SLC35F3: variants seen among roughly 807,000 people sequenced by gnomAD.
SLC35F3 encodes solute carrier family 35 member F3, also known as putative thiamine transporter SLC35F3.
In SLC35F3, 25 loss-of-function variants were observed where a neutral mutation model predicts 49.9. The ratio of observed to expected loss-of-function variants is 0.50; its 90% confidence interval spans 0.37 to 0.70. The LOEUF (loss-of-function observed/expected upper bound fraction) is 0.70. SLC35F3 is among the 30% of genes least tolerant of loss of function. The pLI is 0.00. For synonymous variants in SLC35F3, 275 were observed against 265.4 expected (o/e 1.04, Z -0.35); for missense variants, 525 against 639.8 (o/e 0.82, Z 1.94).
At position 234,322,650 on chromosome 1, in the gene SLC35F3, C is replaced by CGTGTGTGTGTGTGT. The variant is rs55827503; in HGVS notation, c.1238-335_1238-322dup. On this transcript the variant is annotated intron_variant, in intron 7 of 7. Coordinates refer to ENST00000366618, the MANE Select transcript of SLC35F3 (RefSeq NM_173508.4). Reference sequence around the variant, plus strand: ...ACCCATGTTGTTCAAGGGTCAAATGCGTGTGTGTGTGTGTGTGTGTGTGTG... The same window carrying CGTGTGTGTGTGTGT: ...ACCCATGTTGTTCAAGGGTCAAATGCGTGTGTGTGTGTGTGTGTGTGTGTGTGTGTGTGTGTGTG... Among the ~76,000 whole-genome samples the CGTGTGTGTGTGTGT allele has an allele frequency of 2.0e-3, 290 of 144,964 alleles. 3 individuals are homozygous for CGTGTGTGTGTGTGT. Among genetic ancestry groups the CGTGTGTGTGTGTGT allele is most frequent in the African/African-American group, 5.4e-3 (211 of 38,922 alleles).
At chr1:234,143,504 G>A (rs1032900690) in intron 2 of SLC35F3, among the ~76,000 whole-genome samples, 2 of 151,924 alleles carry the variant, frequency 1.3e-5, no homozygotes, top group African/African-American at 2.4e-5. Context: ...TGGCCAGGCT[G>A]GTCTGAACTC....
chr1:234,220,066 C>T (rs149180034), intron 2 of SLC35F3, among the ~76,000 whole-genome samples: 34 of 152,206 alleles, frequency 2.2e-4, no homozygotes, highest in African/African-American at 7.5e-4. Flanking sequence ...ACGCTGGACT[C>T]GGAAGACAGG....
At chr1:234,311,790 T>C (rs1657361678) in intron 4 of SLC35F3, among the ~76,000 whole-genome samples, 1 of 152,200 alleles carries the variant, frequency 6.6e-6, no homozygotes, top group African/African-American at 2.4e-5. Flanking sequence ...GTTCTCCAGG[T>C]CAGGGTTCTA....
intron 6 of SLC35F3, among the ~76,000 whole-genome samples, chr1:234,319,737 A>G (rs995313851): frequency 1.4e-5 from 2 of 145,868 alleles, no homozygotes; most frequent in Admixed American, 1.4e-4. Flanking sequence ...CAAAACAAAA[A>G]AACAAAAAAC....
intron 3 of SLC35F3, among the ~76,000 whole-genome samples, chr1:234,276,107 C>T (rs1308033904): frequency 1.3e-5 from 2 of 152,136 alleles, no homozygotes; most frequent in Non-Finnish European, 2.9e-5. Context: ...TAATGGTCAT[C>T]AACTCAGCAT....
intron 2 of SLC35F3, among the ~76,000 whole-genome samples, chr1:234,117,689 A>G (rs1433596820): frequency 2.0e-5 from 3 of 151,370 alleles, no homozygotes; most frequent in African/African-American, 7.3e-5. Flanking sequence ...GATACAGACC[A>G]TCCTGGCTAA....
chr1:233,935,976 A>G (rs2102796170), intron 2 of SLC35F3, among the ~76,000 whole-genome samples: 1 of 152,316 alleles, frequency 6.6e-6, no homozygotes, highest in Non-Finnish European at 1.5e-5. Context: ...CAACAACCTC[A>G]GCTCTTGATG....
chr1:233,962,165 G>C (rs1004762075), intron 2 of SLC35F3, among the ~76,000 whole-genome samples: 3 of 152,152 alleles, frequency 2.0e-5, no homozygotes, highest in Non-Finnish European at 4.4e-5. Flanking sequence ...TTATTGTGGT[G>C]CATGTGCTTA....
In SLC35F3 at chr1:233,981,929, G is replaced by GT. The variant is rs1558196179; in HGVS notation, c.283+76178dup. Among the ~76,000 whole-genome samples, 3 of 152,160 alleles carry GT rather than the reference G, an allele frequency of 2.0e-5. No individual in the cohort carries two copies. The South Asian group carries it at 6.2e-4, about 32-fold the overall frequency. On this transcript the variant is annotated intron_variant, in intron 2 of 7. Coordinates refer to ENST00000366618, the MANE Select transcript of SLC35F3 (RefSeq NM_173508.4). ...TTCCTAATAGCTAATGATGTTGAAC[G>GT]TTTTTTTGTTGTTGTTGAGACAGAG...
In SLC35F3 at chr1:234,016,893, A is replaced by G. The variant is rs1250972722; in HGVS notation, c.283+111135A>G. Among the ~76,000 whole-genome samples, 3 of 152,200 alleles carry G rather than the reference A, an allele frequency of 2.0e-5. No homozygotes were observed. In the East Asian group the frequency reaches 5.8e-4, roughly 29 times the overall value. ...CACTCCAGGAGGAAGGGGGAGGCAG[A>G]TGGCAGGCAGTATAGCTCAGAGGGC... On this transcript the variant is annotated intron_variant, in intron 2 of 7. Coordinates refer to ENST00000366618, the MANE Select transcript of SLC35F3 (RefSeq NM_173508.4).
chr1:233,904,874 C>T lies in SLC35F3; in HGVS notation c.-204C>T. ...CTGGAGTCACCGGGCTGAACCGCCG[C>T]GCCTGCATCGTGCCGCACGCCGCGG... On this transcript the variant is annotated 5_prime_UTR_variant, in exon 1 of 8. Transcript: ENST00000366618. 1 of 348,760 alleles carries T rather than the reference C, an allele frequency of 2.9e-6. No homozygotes were observed. The highest frequency in any genetic ancestry group is 5.0e-6 in the Non-Finnish European group (1 of 200,264). 21.6% of individuals were successfully genotyped at this position (348,760 alleles called of 1,614,324 possible). A position where few individuals can be genotyped will look rare whatever the true frequency, so the allele number is the denominator to read the frequency against.
chr1:234,108,282 T>TTTATATATATAAAAGATATATATC (rs1665318990), intron 2 of SLC35F3, among the ~76,000 whole-genome samples: 1 of 40,416 alleles, frequency 2.5e-5, no homozygotes, highest in Non-Finnish European at 4.5e-5. Context: ...AGATATATAT[T>TTTATATATATAAAAGATATATATC]ATTTATATAT....
Position 234,071,791 on chromosome 1 carries a change from G to A in SLC35F3, c.284-159626G>A, listed in dbSNP as rs533422764. On this transcript the variant is annotated intron_variant, in intron 2 of 7. Transcript: ENST00000366618. ...CAAACTCCGTACCTCCTATTGGCAT[G>A]CCTCGTTAAGATGTAATTAATGGCC... Among the ~76,000 whole-genome samples the A allele has an allele frequency of 2.0e-4, 31 of 152,306 alleles. No individual in the cohort carries two copies. The South Asian group carries it at 6.2e-3, about 31-fold the overall frequency.
chr1:234,068,855 A>ATATATATATATG (rs1394500554), intron 2 of SLC35F3, among the ~76,000 whole-genome samples: 1 of 118,080 alleles, frequency 8.5e-6, no homozygotes, highest in African/African-American at 3.2e-5. Flanking sequence ...ATATATATAT[A>ATATATATATATG]TGGCATATTT....
chr1:233,926,642 A>G (rs1461469337), intron 2 of SLC35F3, among the ~76,000 whole-genome samples: 1 of 152,096 alleles, frequency 6.6e-6, no homozygotes, highest in Non-Finnish European at 1.5e-5. Flanking sequence ...CTGTCAACTC[A>G]TCAAAGTCAT....
At chr1:234,030,936 T>C (rs1429186039) in intron 2 of SLC35F3, among the ~76,000 whole-genome samples, 6 of 152,184 alleles carry the variant, frequency 3.9e-5, no homozygotes, top group Non-Finnish European at 1.5e-5. Context: ...GCAGACTAAA[T>C]CTTATTATTC....
intron 2 of SLC35F3, among the ~76,000 whole-genome samples, chr1:233,980,071 G>A (rs922439172): frequency 3.9e-5 from 6 of 152,188 alleles, no homozygotes; most frequent in African/African-American, 1.2e-4. Flanking sequence ...CCCACTATGC[G>A]TGTTGTGTGC....
intron 3 of SLC35F3, among the ~76,000 whole-genome samples, chr1:234,269,367 G>C (rs1287630335): frequency 6.6e-6 from 1 of 152,164 alleles, no homozygotes; most frequent in Non-Finnish European, 1.5e-5. Context: ...GAATAGAACA[G>C]AATAGATCAA....
chr1:234,108,603 A>G (rs1404154605), intron 2 of SLC35F3, among the ~76,000 whole-genome samples: 1 of 106,816 alleles, frequency 9.4e-6, no homozygotes, highest in Non-Finnish European at 1.7e-5. Flanking sequence ...CATATAAAAG[A>G]TATATATTTA....
Sources: gnomAD v4.1 joint callset for allele counts (sites outside exome capture counted in the v4.1 genomes callset) on GRCh38, gnomAD v4.1.1 for gene constraint, MANE v1.5 for transcripts, NCBI Gene and HGNC (gene_info 2026-07-23, HGNC 2026-07-21) for gene names.